NDUFA10: variants seen among roughly 807,000 people sequenced by gnomAD.
NDUFA10 encodes NADH dehydrogenase [ubiquinone] 1 alpha subcomplex subunit 10, mitochondrial.
In NDUFA10, 40 loss-of-function variants were observed where a neutral mutation model predicts 47.8. That is an observed-to-expected ratio of 0.84 (90% CI 0.65 to 1.09). The LOEUF (loss-of-function observed/expected upper bound fraction) is 1.09, where lower values mean the gene tolerates loss of function less well. Ranked by LOEUF, NDUFA10 falls within the 50% of genes least tolerant of loss-of-function variation. The pLI is 0.00. For synonymous variants in NDUFA10, 183 were observed against 172.2 expected (o/e 1.06, Z -0.49); for missense variants, 413 against 451.1 (o/e 0.92, Z 0.76).
intron 8 of NDUFA10, among the ~76,000 whole-genome samples, chr2:240,003,680 C>T (rs1696822084): frequency 6.6e-6 from 1 of 152,082 alleles, no homozygotes; most frequent in Admixed American, 6.5e-5. Context: ...AATTTATAGC[C>T]CTAAAAGAAA....
chr2:239,942,207 G>A (rs1694370711), intron 4 of NDUFA10, among the ~76,000 whole-genome samples: 1 of 152,194 alleles, frequency 6.6e-6, no homozygotes, highest in African/African-American at 2.4e-5. Flanking sequence ...TACTTACTGT[G>A]GCTGTCTTCA....
intron 1 of NDUFA10, among the ~76,000 whole-genome samples, chr2:240,024,007 A>G (rs1259836504): frequency 3.3e-5 from 5 of 152,240 alleles, no homozygotes; most frequent in African/African-American, 9.7e-5. Context: ...GAGCACGCAG[A>G]GCAACAAGGA....
intron 4 of NDUFA10, among the ~76,000 whole-genome samples, chr2:239,920,715 C>T (rs987066558): frequency 5.3e-5 from 8 of 152,188 alleles, no homozygotes; most frequent in African/African-American, 1.7e-4. Context: ...GGCTCCCAGG[C>T]CTTTTGCGTG....
chr2:239,904,059 C>A (rs746019860), intron 4 of NDUFA10, among the ~76,000 whole-genome samples: 1 of 151,808 alleles, frequency 6.6e-6, no homozygotes, highest in Non-Finnish European at 1.5e-5. Context: ...CATGGGGTCA[C>A]TCCAGGAACA....
chr2:239,906,955 A>G lies in NDUFA10; in HGVS notation c.295-11641T>C, dbSNP rs1009512507. Among the ~76,000 whole-genome samples the G allele has an allele frequency of 7.2e-5, 11 of 152,258 alleles. No homozygotes were observed. Among genetic ancestry groups the G allele is most frequent in the Non-Finnish European group, 1.5e-4 (10 of 68,048 alleles). On this transcript the variant is annotated intron_variant, in intron 4 of 5. Coordinates refer to the NDUFA10 transcript ENST00000419408. This position sits in a 1 kb window ranked among gnomAD's most constrained non-coding sequence, Gnocchi z 4.3. ...AAAAAGAGCCCACATTGCCAAGTCA[A>G]TCCTAAGCCAAAAGAACAAAGCTGG...
At chr2:240,017,909 C>T (rs778454913) in intron 4 of NDUFA10, 1 of 1,561,268 alleles carries the variant, frequency 6.4e-7, no homozygotes, top group Admixed American at 1.9e-5. Flanking sequence ...CCCCAGTCTA[C>T]AGATGAAAAT....
Position 239,945,471 on chromosome 2 carries a change from C to G in NDUFA10, c.294+44603G>C, listed in dbSNP as rs895608942. 1.3e-5 allele frequency among the ~76,000 whole-genome samples: 2 copies of G among 152,088 alleles called. No individual in the cohort carries two copies. Among genetic ancestry groups the G allele is most frequent in the Non-Finnish European group, 2.9e-5 (2 of 68,016 alleles). On this transcript the variant is annotated intron_variant, in intron 4 of 5. Coordinates refer to the NDUFA10 transcript ENST00000419408. This position sits in a 1 kb window ranked among gnomAD's most constrained non-coding sequence, Gnocchi z 4.6. ...GGCCCCTCGGGGGAAGAGCGGACAC[C>G]CCAACCGGAACGCAGGCTGCACCGC...
chr2:239,988,697 G>A (rs1325894992), intron 9 of NDUFA10, among the ~76,000 whole-genome samples: 4 of 152,204 alleles, frequency 2.6e-5, no homozygotes, highest in South Asian at 2.1e-4. Flanking sequence ...GACAGGGAAC[G>A]AACACCAAGT....
chr2:240,025,124 TG>T, intron 1 of NDUFA10, 102 bp downstream of exon 1: 2 of 1,193,220 alleles, frequency 1.7e-6, no homozygotes, highest in Non-Finnish European at 2.2e-6. Flanking sequence ...GAGAGCGACC[TG>T]GGAGCCGCCG....
chr2:239,916,051 T>TAC, intron 4 of NDUFA10, among the ~76,000 whole-genome samples: 1 of 96,844 alleles, frequency 1.0e-5, no homozygotes, highest in Admixed American at 9.4e-5. Flanking sequence ...CACACAAACA[T>TAC]ACACACACAC....
chr2:239,959,245 G>T lies in NDUFA10; in HGVS notation c.*1873C>A. 1 of 985,424 alleles carries T rather than the reference G, an allele frequency of 1.0e-6. No homozygotes were observed. Among genetic ancestry groups the T allele is most frequent in the Non-Finnish European group, 1.2e-6 (1 of 829,940 alleles). The allele number at this position is 985,424 out of a possible 1,614,324, so 61.0% of individuals were successfully genotyped here. On this transcript the variant is annotated 3_prime_UTR_variant, in exon 10 of 10. Coordinates refer to ENST00000252711, the MANE Select transcript of NDUFA10 (RefSeq NM_004544.4). ...ACCCGAGTCCACACCATGCCGACAC[G>T]GAGCCCTGCATGGTTGGAGAGCTCT...
Position 239,960,753 on chromosome 2 carries a change from C to A in NDUFA10, c.*365G>T, listed in dbSNP as rs544512667. The A allele has an allele frequency of 3.1e-5, 37 of 1,202,876 alleles. No individual in the cohort carries two copies. The highest frequency in any genetic ancestry group is 3.6e-4 in the Middle Eastern group (1 of 2,742). The allele number at this position is 1,202,876 out of a possible 1,614,324, so 74.5% of individuals were successfully genotyped here. The stretch of plus-strand genomic sequence containing the variant: ...CGATGGGGAAATTCCCATGGAAACA[C>A]TTTTATTTCTGGAAGTCAGAAGAAA... On this transcript the variant is annotated 3_prime_UTR_variant, in exon 10 of 10. Transcript: ENST00000252711.
chr2:239,998,180 G>C (rs1038692075), intron 8 of NDUFA10, among the ~76,000 whole-genome samples: 10 of 152,192 alleles, frequency 6.6e-5, no homozygotes, highest in Non-Finnish European at 8.8e-5. Context: ...TCTTCCAAGA[G>C]GGTGTGCCTT....
At position 239,988,320 on chromosome 2, in the gene NDUFA10, G is replaced by A. The variant is rs546526681; in HGVS notation, c.999+1754C>T. Among the ~76,000 whole-genome samples, 138 of 152,250 alleles carry A rather than the reference G, an allele frequency of 9.1e-4. 1 individual carries two copies. Among genetic ancestry groups the A allele is most frequent in the Non-Finnish European group, 1.7e-3 (119 of 68,022 alleles). On this transcript the variant is annotated intron_variant, in intron 9 of 9. Coordinates refer to ENST00000252711, the MANE Select transcript of NDUFA10 (RefSeq NM_004544.4). Reference sequence around the variant, plus strand: ...AGGAAAACATCATCATGAAAAGGGTGACCCTCCTAACAAGGCAATTCTAAA... The same window carrying A: ...AGGAAAACATCATCATGAAAAGGGTAACCCTCCTAACAAGGCAATTCTAAA...
intron 1 of NDUFA10, 63 bp downstream of exon 1, chr2:240,025,164 T>TGCCCCCCCCCC: frequency 3.4e-6 from 2 of 594,916 alleles, no homozygotes; most frequent in Non-Finnish European, 2.7e-6. Flanking sequence ...GTGGAACTGC[T>TGCCCCCCCCCC]CCCCACCCCG....
chr2:239,927,940 G>A (rs1694092591), intron 4 of NDUFA10, among the ~76,000 whole-genome samples: 1 of 152,200 alleles, frequency 6.6e-6, no homozygotes, highest in Admixed American at 6.5e-5. Context: ...TGGGGGTGCT[G>A]GGCAAGGACA....
At chr2:239,956,085 G>T (rs887525291), downstream of NDUFA10, among the ~76,000 whole-genome samples, 1 of 152,098 alleles carries the variant, frequency 6.6e-6, no homozygotes, top group Non-Finnish European at 1.5e-5. Flanking sequence ...GGAAATGCAC[G>T]CCAGGCCATT....
chr2:240,020,601 T>C (rs530898038), intron 3 of NDUFA10, among the ~76,000 whole-genome samples: 195 of 152,308 alleles, frequency 1.3e-3, no homozygotes, highest in African/African-American at 4.5e-3. Flanking sequence ...TTCTGATCCC[T>C]GTTTCCGTCT....
At chr2:239,927,705 C>T (rs1033003353) in intron 4 of NDUFA10, among the ~76,000 whole-genome samples, 2 of 152,124 alleles carry the variant, frequency 1.3e-5, no homozygotes, top group Non-Finnish European at 2.9e-5. Context: ...GAACAGCTTC[C>T]TGGTTGCCAG....
Sources: gnomAD v4.1 joint callset for allele counts (sites outside exome capture counted in the v4.1 genomes callset) on GRCh38, gnomAD v4.1.1 for gene constraint, Gnocchi (gnomAD v3.1) non-coding constraint, MANE v1.5 for transcripts, NCBI Gene and HGNC (gene_info 2026-07-23, HGNC 2026-07-21) for gene names.